The following NET1 variants were observed in gnomAD, a reference collection of about 807,000 sequenced individuals.
NET1 encodes neuroepithelial cell-transforming gene 1 protein.
Under a neutral mutation model 61.1 loss-of-function variants are expected in NET1, and 42 were observed. The observed-to-expected ratio is 0.69, with a 90% CI of 0.54 to 0.89. The LOEUF (loss-of-function observed/expected upper bound fraction) is 0.89, where lower values mean the gene tolerates loss of function less well. NET1 is among the 40% of genes least tolerant of loss of function. The pLI is 0.00. For missense variants in NET1, 654 were observed against 747.3 expected, an observed-to-expected ratio of 0.88 and a Z score of 1.46; for synonymous variants, 254 against 281.8, an observed-to-expected ratio of 0.90 and a Z score of 0.99.
At chr10:5,436,518 G>A (rs188868138) in intron 3 of NET1, among the ~76,000 whole-genome samples, 85 of 151,254 alleles carry the variant, frequency 5.6e-4, no homozygotes, top group African/African-American at 2.0e-3. Flanking sequence ...TAACAGGTGC[G>A]AGCCACTGCG....
At position 5,416,719 on chromosome 10, in the gene NET1, C is replaced by CT. The variant is rs1832087634; in HGVS notation, c.128+3900dup. ...CCTTTTCCCCCTCGCAGGGCGTGCA[C>CT]TGGAGGTGTGCTCGCTTCTTCGGTG... is the stretch of plus-strand genomic sequence containing the variant. On this transcript the variant is annotated intron_variant, in intron 1 of 11. Coordinates refer to ENST00000355029, the MANE Select transcript of NET1 (RefSeq NM_001047160.3). This position sits in a 1 kb window ranked among gnomAD's most constrained non-coding sequence, Gnocchi z 6.1. 6.6e-6 allele frequency among the ~76,000 whole-genome samples: 1 copy of CT among 152,164 alleles called. No individual in the cohort carries two copies. Among genetic ancestry groups the CT allele is most frequent in the African/African-American group, 2.4e-5 (1 of 41,436 alleles).
At chr10:5,436,058 AAC>A (rs1443395772) in intron 3 of NET1, among the ~76,000 whole-genome samples, 1 of 151,266 alleles carries the variant, frequency 6.6e-6, no homozygotes, top group Admixed American at 6.6e-5. Context: ...TAGTGATTAT[AAC>A]ACAAACTAGA....
rs1231489357 is a variant in NET1, at chr10:5,457,967, AAGAG to A, written c.*976_*979del. 1.3e-5 allele frequency: 2 copies of A among 152,430 alleles called. No individual in the cohort carries two copies. The highest frequency in any genetic ancestry group is 1.3e-4 in the Admixed American group (2 of 15,282). The allele number at this position is 152,430 out of a possible 1,614,324, so 9.4% of individuals were successfully genotyped here. A position where few individuals can be genotyped will look rare whatever the true frequency, so the allele number is the denominator to read the frequency against. On this transcript the variant is annotated 3_prime_UTR_variant, in exon 12 of 12. Transcript: ENST00000355029. The surrounding 1 kb of genome is among the most constrained non-coding windows in gnomAD (Gnocchi z 5.4). ...GTGATTGGTAGTGAGTTAAAAGAAA[AAGAG>A]AGGAAAAGAGAGTAGTTTTGTCTTC...
Position 5,426,683 on chromosome 10 carries a change from A to G in NET1, c.157A>G (p.Thr53Ala), listed in dbSNP as rs746311540. 2 of 1,606,378 alleles carry G rather than the reference A, an allele frequency of 1.2e-6. No individual in the cohort carries two copies. Among genetic ancestry groups the G allele is most frequent in the Non-Finnish European group, 1.7e-6 (2 of 1,177,040 alleles). Residue 53 changes from threonine to alanine, a missense_variant, in exon 2 of 12, where the codon ACA (threonine) becomes GCA (alanine). Physicochemically the swap from Thr to Ala is moderately conservative, Grantham distance 58. Transcript: ENST00000355029. The surrounding 1 kb of genome is among the most constrained non-coding windows in gnomAD (Gnocchi z 4.6). ...RCSLRRGSSFTFLTPGPNWDF... is the reference protein window; with the variant it reads ...RCSLRRGSSFAFLTPGPNWDF... ...TTCCCTTCGGAGAGGCAGCTCCTTCACATTCTTAACACCTGGCCCCAACTG... is the reference window on the plus strand; with the variant it reads ...TTCCCTTCGGAGAGGCAGCTCCTTCGCATTCTTAACACCTGGCCCCAACTG...
Position 5,452,606 on chromosome 10 carries a change from G to A in NET1, c.531+81G>A. On this transcript the variant is annotated intron_variant, in intron 5 of 11. Coordinates refer to ENST00000355029, the MANE Select transcript of NET1 (RefSeq NM_001047160.3). This position sits in a 1 kb window ranked among gnomAD's most constrained non-coding sequence, Gnocchi z 4.0. The stretch of plus-strand genomic sequence containing the variant: ...TGGCAAAATTAACTTGGATTTTTGT[G>A]TTTGAGCAACAATTCCTAATACATG... 7.0e-7 allele frequency: 1 copy of A among 1,426,064 alleles called. No individual in the cohort carries two copies. Among genetic ancestry groups the A allele is most frequent in the Non-Finnish European group, 9.6e-7 (1 of 1,043,978 alleles). The allele number at this position is 1,426,064 out of a possible 1,614,324, so 88.3% of individuals were successfully genotyped here.
At chr10:5,419,973 A>G (rs1832144725) in intron 1 of NET1, among the ~76,000 whole-genome samples, 3 of 152,030 alleles carry the variant, frequency 2.0e-5, no homozygotes, top group African/African-American at 7.3e-5. Flanking sequence ...CATTTTTACT[A>G]TGATGTGTCT....
intron 1 of NET1, among the ~76,000 whole-genome samples, chr10:5,414,932 A>C (rs570495964): frequency 6.6e-6 from 1 of 152,340 alleles, no homozygotes; most frequent in Admixed American, 6.5e-5. Context: ...GAAATGATAC[A>C]TTGTGAGAAA....
Position 5,417,440 on chromosome 10 carries a change from C to T in NET1, c.128+4620C>T, listed in dbSNP as rs927214646. ...CACGCTCTCCTCTACGCAGCACTTC[C>T]CTGCCCCGCTTTGTATCACTTTATT... On this transcript the variant is annotated intron_variant, in intron 1 of 11. Transcript: ENST00000355029. This position sits in a 1 kb window ranked among gnomAD's most constrained non-coding sequence, Gnocchi z 5.5. Among the ~76,000 whole-genome samples the T allele has an allele frequency of 1.3e-5, 2 of 152,168 alleles. No homozygotes were observed. The highest frequency in any genetic ancestry group is 2.4e-5 in the African/African-American group (1 of 41,430).
intron 3 of NET1, among the ~76,000 whole-genome samples, chr10:5,434,533 G>A (rs1284204313): frequency 2.6e-5 from 4 of 152,044 alleles, no homozygotes; most frequent in African/African-American, 9.7e-5. Context: ...GGATTCTCCT[G>A]TTCCCAGGGC....
rs1832523863 is a variant in NET1, at chr10:5,441,441, G to A, written c.256-10389G>A. On this transcript the variant is annotated intron_variant, in intron 3 of 11. Transcript: ENST00000355029. This position sits in a 1 kb window ranked among gnomAD's most constrained non-coding sequence, Gnocchi z 4.6. ...AATATCCTTTTGTCTTTAGTTTGGG[G>A]CCTTAAGCTGAAGTTCAGGGAAAAA... 6.6e-6 allele frequency among the ~76,000 whole-genome samples: 1 copy of A among 152,234 alleles called. No homozygotes were observed. Among genetic ancestry groups the A allele is most frequent in the Non-Finnish European group, 1.5e-5 (1 of 68,046 alleles).
chr10:5,454,544 T>G lies in NET1; in HGVS notation c.1026+22T>G, dbSNP rs1832765657. ...TGCTGTAAGTAGTCCCTTAAGTGAT[T>G]GTTTTGTTTTTTAAGTTTATACATT... On this transcript the variant is annotated intron_variant, in intron 9 of 11. Coordinates refer to ENST00000355029, the MANE Select transcript of NET1 (RefSeq NM_001047160.3). The surrounding 1 kb of genome is among the most constrained non-coding windows in gnomAD (Gnocchi z 8.1). The G allele has an allele frequency of 1.3e-6, 2 of 1,594,656 alleles. No homozygotes were observed. The highest frequency in any genetic ancestry group is 1.4e-5 in the African/African-American group (1 of 73,616).
chr10:5,455,179 C>T lies in NET1; in HGVS notation c.1197+61C>T, dbSNP rs1048725377. 24 of 1,521,678 alleles carry T rather than the reference C, an allele frequency of 1.6e-5. No individual in the cohort carries two copies. Among genetic ancestry groups the T allele is most frequent in the Middle Eastern group, 2.3e-4 (1 of 4,262 alleles). The allele number at this position is 1,521,678 out of a possible 1,614,324, so 94.3% of individuals were successfully genotyped here. A position where few individuals can be genotyped will look rare whatever the true frequency, so the allele number is the denominator to read the frequency against. On this transcript the variant is annotated intron_variant, in intron 10 of 11. Coordinates refer to ENST00000355029, the MANE Select transcript of NET1 (RefSeq NM_001047160.3). This position sits in a 1 kb window ranked among gnomAD's most constrained non-coding sequence, Gnocchi z 6.5. Reference sequence around the variant, plus strand: ...CCCTCCTGCCTCTTTAACTTTTACACGTTTGTTATGAAGCAGGCTTGTAAA... The same window carrying T: ...CCCTCCTGCCTCTTTAACTTTTACATGTTTGTTATGAAGCAGGCTTGTAAA...
chr10:5,432,934 A>G (rs112925611), intron 3 of NET1, among the ~76,000 whole-genome samples: 374 of 152,122 alleles, frequency 2.5e-3, no homozygotes, highest in African/African-American at 8.7e-3. Flanking sequence ...CTTATGTAAT[A>G]CCTTTTGGGC....
At chr10:5,432,595 C>G (rs189642756) in intron 3 of NET1, among the ~76,000 whole-genome samples, 144 of 81,436 alleles carry the variant, frequency 1.8e-3, no homozygotes, top group African/African-American at 5.7e-3. Flanking sequence ...AGAATTACTG[C>G]TTTTTAAATT....
intron 3 of NET1, among the ~76,000 whole-genome samples, chr10:5,442,756 G>C (rs184504690): frequency 5.5e-4 from 83 of 152,010 alleles, no homozygotes; most frequent in Middle Eastern, 3.4e-3. Flanking sequence ...TTAGCCAGGC[G>C]TGATGGCACA....
At position 5,426,942 on chromosome 10, in the gene NET1, C is replaced by T. The variant is rs1832267371; in HGVS notation, c.195+221C>T. Among the ~76,000 whole-genome samples, 2 of 152,126 alleles carry T rather than the reference C, an allele frequency of 1.3e-5. No individual in the cohort carries two copies. Among genetic ancestry groups the T allele is most frequent in the Non-Finnish European group, 2.9e-5 (2 of 67,998 alleles). On this transcript the variant is annotated intron_variant, in intron 2 of 11. Coordinates refer to ENST00000355029, the MANE Select transcript of NET1 (RefSeq NM_001047160.3). The surrounding 1 kb of genome is among the most constrained non-coding windows in gnomAD (Gnocchi z 4.6). ...TAAAACATATTTTGCAAAGTACTCA[C>T]ATCTATTAATCTTTAACTCTATGCC...
Position 5,452,362 on chromosome 10 carries a change from T to G in NET1, c.368T>G (p.Phe123Cys), listed in dbSNP as rs754177120. 6.3e-7 allele frequency: 1 copy of G among 1,596,200 alleles called. No homozygotes were observed. Among genetic ancestry groups the G allele is most frequent in the East Asian group, 2.2e-5 (1 of 44,598 alleles). ...GTTCACCTTTTCTTTTTTAAGTCAT[T>G]TACCCTTCGTGGTGACCACAGATCC... Reference protein sequence around the residue: ...VRRFGQTIQSFTLRGDHRSPA... With the variant: ...VRRFGQTIQSCTLRGDHRSPA... The change falls in exon 5 of 12, where the codon TTT (phenylalanine) becomes TGT (cysteine). Residue 123 changes from phenylalanine (F) to cysteine (C), a missense_variant. By Grantham distance (205) the Phe-to-Cys change is radical. Coordinates refer to ENST00000355029, the MANE Select transcript of NET1 (RefSeq NM_001047160.3). This position sits in a 1 kb window ranked among gnomAD's most constrained non-coding sequence, Gnocchi z 4.0.
intron 3 of NET1, among the ~76,000 whole-genome samples, chr10:5,442,314 A>G (rs1363950627): frequency 6.6e-6 from 1 of 152,212 alleles, no homozygotes; most frequent in Non-Finnish European, 1.5e-5. Flanking sequence ...TCCCTAGTCT[A>G]ATTTCCAATT....
At chr10:5,450,532 A>G (rs1176437685) in intron 3 of NET1, among the ~76,000 whole-genome samples, 2 of 151,992 alleles carry the variant, frequency 1.3e-5, no homozygotes, top group Non-Finnish European at 2.9e-5. Flanking sequence ...TCCTTTTTAT[A>G]TTACTTTAGT....
Sources: allele counts gnomAD v4.1 joint callset (sites outside exome capture counted in the v4.1 genomes callset), GRCh38; gene constraint gnomAD v4.1.1; non-coding constraint Gnocchi (gnomAD v3.1); transcripts MANE v1.5; gene names NCBI Gene and HGNC (gene_info 2026-07-23, HGNC 2026-07-21).